The following NCKAP5 variants were observed in gnomAD, a reference collection of about 807,000 sequenced individuals.
The protein encoded by NCKAP5 is nck-associated protein 5.
A neutral mutation model predicts 167.0 loss-of-function variants in NCKAP5; 92 were observed. The ratio of observed to expected loss-of-function variants is 0.55; its 90% CI spans 0.47 to 0.66. The LOEUF is 0.66. Ranked by LOEUF, NCKAP5 falls within the 30% of genes least tolerant of loss-of-function variation. NCKAP5 has a pLI of 0.00. For synonymous variants in NCKAP5, 891 were observed against 877.4 expected (o/e 1.02, Z -0.27); for missense variants, 2,378 against 2,315.0 (o/e 1.03, Z -0.56).
chr2:133,476,110 G>T (rs190231688), intron 3 of NCKAP5, among the ~76,000 whole-genome samples: 1 of 152,268 alleles, frequency 6.6e-6, no homozygotes, highest in Non-Finnish European at 1.5e-5. Flanking sequence ...CATGTGATTT[G>T]AAAGCAGTTA....
At chr2:133,539,355 G>A (rs1686040116) in intron 2 of NCKAP5, among the ~76,000 whole-genome samples, 1 of 152,234 alleles carries the variant, frequency 6.6e-6, no homozygotes, top group Middle Eastern at 3.4e-3. Flanking sequence ...GAGGAGAAGT[G>A]TGCACAGAGA....
chr2:133,514,902 G>A (rs140642280), intron 3 of NCKAP5, among the ~76,000 whole-genome samples: 8 of 152,072 alleles, frequency 5.3e-5, no homozygotes, highest in Admixed American at 3.3e-4. Flanking sequence ...CGAGATAACC[G>A]ATTTTCACTT....
intron 4 of NCKAP5, among the ~76,000 whole-genome samples, chr2:133,252,280 T>G (rs2088382544): frequency 6.6e-6 from 1 of 152,046 alleles, no homozygotes; most frequent in South Asian, 2.1e-4. Context: ...AGCTATAAAA[T>G]CACTTTGCCC....
intron 6 of NCKAP5, among the ~76,000 whole-genome samples, chr2:133,020,912 T>C (rs958424383): frequency 5.3e-5 from 8 of 151,608 alleles, no homozygotes; most frequent in Non-Finnish European, 1.2e-4. Flanking sequence ...GCCCATGGAG[T>C]GGAAGGTGTC....
intron 16 of NCKAP5, among the ~76,000 whole-genome samples, chr2:132,757,437 A>T (rs1158134069): frequency 1.3e-5 from 2 of 152,200 alleles, no homozygotes; most frequent in African/African-American, 4.8e-5. Context: ...AAACATACAT[A>T]GTTTTCCTTT....
intron 8 of NCKAP5, among the ~76,000 whole-genome samples, chr2:132,939,337 T>C (rs1324483029): frequency 1.3e-5 from 2 of 152,138 alleles, no homozygotes; most frequent in South Asian, 2.1e-4. Context: ...GAAAATTTTA[T>C]TGGATGTCAT....
At chr2:133,510,441 T>C (rs1351716001) in intron 3 of NCKAP5, among the ~76,000 whole-genome samples, 1 of 152,224 alleles carries the variant, frequency 6.6e-6, no homozygotes, top group African/African-American at 2.4e-5. Context: ...CAATCTCTTC[T>C]AAAGTTGGTT....
At chr2:133,332,201 C>T (rs941131385) in intron 3 of NCKAP5, among the ~76,000 whole-genome samples, 3 of 152,184 alleles carry the variant, frequency 2.0e-5, no homozygotes, top group African/African-American at 7.2e-5. Flanking sequence ...CCCAATATAA[C>T]ATTTCCCCTT....
upstream of NCKAP5, among the ~76,000 whole-genome samples, chr2:133,572,927 C>T (rs189321567): frequency 2.1e-3 from 327 of 152,284 alleles, no homozygotes; most frequent in African/African-American, 7.7e-3. Context: ...AAACAGATGA[C>T]CTTCTAGTCT....
At chr2:133,195,801 GA>G (rs1448912603) in intron 5 of NCKAP5, among the ~76,000 whole-genome samples, 6 of 152,020 alleles carry the variant, frequency 3.9e-5, no homozygotes, top group Non-Finnish European at 8.8e-5. Flanking sequence ...ATATTGACAG[GA>G]AAAAATAAAA....
intron 11 of NCKAP5, among the ~76,000 whole-genome samples, chr2:132,859,993 C>A (rs565856337): frequency 6.6e-6 from 1 of 152,002 alleles, no homozygotes; most frequent in Non-Finnish European, 1.5e-5. Flanking sequence ...AAAAAGACAA[C>A]CTGTAAAAAT....
At chr2:133,269,147 T>C (rs756949935) in intron 4 of NCKAP5, 17 of 152,342 alleles carry the variant, frequency 1.1e-4, no homozygotes, top group Non-Finnish European at 8.8e-5. Context: ...TTCCTTGGTC[T>C]TAACTTCAAA....
intron 16 of NCKAP5, among the ~76,000 whole-genome samples, chr2:132,758,976 A>G (rs1045882236): frequency 2.6e-5 from 4 of 152,194 alleles, no homozygotes; most frequent in African/African-American, 7.2e-5. Flanking sequence ...ACATCCTTCA[A>G]TCACCACTAC....
intron 11 of NCKAP5, among the ~76,000 whole-genome samples, chr2:132,800,709 T>C (rs1418547610): frequency 6.6e-6 from 1 of 152,140 alleles, no homozygotes; most frequent in Non-Finnish European, 1.5e-5. Context: ...AAACCCTCCC[T>C]GTAAAGTCAT....
chr2:133,066,131 G>T (rs1367000124), intron 6 of NCKAP5, among the ~76,000 whole-genome samples: 1 of 152,132 alleles, frequency 6.6e-6, no homozygotes, highest in Non-Finnish European at 1.5e-5. Context: ...CATAATTGAT[G>T]GCTAGAAAAT....
intron 16 of NCKAP5, among the ~76,000 whole-genome samples, chr2:132,746,790 TAAAC>T (rs1298717612): frequency 6.6e-6 from 1 of 151,968 alleles, no homozygotes; most frequent in South Asian, 2.1e-4. Context: ...AATAAAAACA[TAAAC>T]AAACTAAAAA....
the NCKAP5 span, among the ~76,000 whole-genome samples, chr2:133,655,158 T>G: frequency 6.6e-6 from 1 of 152,206 alleles, no homozygotes; most frequent in Non-Finnish European, 1.5e-5. Context: ...TTCCTCAATA[T>G]TTTGAGTGAT....
chr2:133,141,592 A>G (rs1205357091), intron 5 of NCKAP5, among the ~76,000 whole-genome samples: 7 of 152,210 alleles, frequency 4.6e-5, no homozygotes, highest in Admixed American at 3.3e-4. Flanking sequence ...CAACTGTACA[A>G]GGTACTACTG....
At chr2:133,282,499 G>C (rs565357438) in intron 4 of NCKAP5, among the ~76,000 whole-genome samples, 1 of 152,246 alleles carries the variant, frequency 6.6e-6, no homozygotes, top group African/African-American at 2.4e-5. Context: ...ATTTTTAACG[G>C]GAATTGGAAG....
Sources: gnomAD v4.1 joint callset for allele counts (sites outside exome capture counted in the v4.1 genomes callset) on GRCh38, gnomAD v4.1.1 for gene constraint, MANE v1.5 for transcripts, NCBI Gene and HGNC (gene_info 2026-07-23, HGNC 2026-07-21) for gene names.